Variants in LAMA3 observed in about 807,000 individuals in gnomAD.
LAMA3 encodes laminin subunit alpha 3.
In LAMA3, 281 loss-of-function variants were observed where a neutral mutation model predicts 402.0. The ratio of observed to expected loss-of-function variants is 0.70; its 90% CI spans 0.63 to 0.77. The LOEUF is 0.77. LAMA3 is among the 30% of genes least tolerant of loss of function. The probability of loss-of-function intolerance (pLI) is 0.00; values close to 1 mark genes in which losing one functional copy is unlikely to be tolerated. For missense variants in LAMA3, 3,840 were observed against 4,215.5 expected (o/e 0.91, Z 2.47); for synonymous variants, 1,431 against 1,558.4 (o/e 0.92, Z 1.93).
Position 23,915,353 on chromosome 18 carries a change from A to G in LAMA3, c.7709A>G (p.Asn2570Ser). 1 of 1,613,646 alleles carries G rather than the reference A, an allele frequency of 6.2e-7. No individual in the cohort carries two copies. Among genetic ancestry groups the G allele is most frequent in the African/African-American group, 1.3e-5 (1 of 75,050 alleles). The change falls in exon 59 of 75, where the codon AAT becomes AGT. Residue 2570 changes from asparagine to serine, a missense_variant. Asn to Ser is a conservative substitution (Grantham distance 46). Around this residue, in one of 3 missense-constraint regions of LAMA3, gnomAD observed 840 missense variants for 981.9 expected, o/e 0.86. Transcript: ENST00000313654. ...ATTGAATTAGATGACCTCAATGAAA[A>G]TGTTCTGAGCTTGTACAACTTCAAA... ...GCIELDDLNE[N>S]VLSLYNFKKT...
At position 23,905,910 on chromosome 18, in the gene LAMA3, G is replaced by A. The variant is rs8084314; in HGVS notation, c.6718+286G>A. Among the ~76,000 whole-genome samples, 5,896 of 152,010 alleles carry A rather than the reference G, an allele frequency of 0.039. 380 individuals are homozygous for A. Among genetic ancestry groups the A allele is most frequent in the African/African-American group, 0.14 (5,623 of 41,452 alleles). Reference sequence around the variant, plus strand: ...CTCCCAAGTAGCTGAGATTACAGGCGTGCACCACCATGCCCAGCTAATTTT... The same window carrying A: ...CTCCCAAGTAGCTGAGATTACAGGCATGCACCACCATGCCCAGCTAATTTT... On this transcript the variant is annotated intron_variant, in intron 52 of 74. Transcript: ENST00000313654.
chr18:23,733,388 G>A (rs563673269), intron 2 of LAMA3, among the ~76,000 whole-genome samples: 22 of 152,288 alleles, frequency 1.4e-4, no homozygotes, highest in African/African-American at 4.3e-4. Flanking sequence ...GGCAGAAGGC[G>A]AAAAGCATGT....
At chr18:23,701,627 G>T (rs1299394776) in intron 1 of LAMA3, among the ~76,000 whole-genome samples, 1 of 152,176 alleles carries the variant, frequency 6.6e-6, no homozygotes, top group East Asian at 1.9e-4. Flanking sequence ...ATAGTAGTGA[G>T]CAAAATTGAT....
chr18:23,839,480 T>C lies in LAMA3; in HGVS notation c.3192-305T>C, dbSNP rs888795076. On this transcript the variant is annotated intron_variant, in intron 26 of 74. Transcript: ENST00000313654. The surrounding 1 kb of genome is among the most constrained non-coding windows in gnomAD (Gnocchi z 4.5). ...TAGAGGTGAATAATGTTTTATTGTA[T>C]TGATCTCATTTTAACAATTAATTTT... Among the ~76,000 whole-genome samples the C allele has an allele frequency of 3.3e-5, 5 of 152,248 alleles. No individual in the cohort carries two copies. The highest frequency in any genetic ancestry group is 9.6e-5 in the African/African-American group (4 of 41,468).
intron 70 of LAMA3, among the ~76,000 whole-genome samples, chr18:23,948,574 CTT>C (rs1197740181): frequency 8.3e-5 from 12 of 145,008 alleles, no homozygotes; most frequent in Admixed American, 2.1e-4. Context: ...CTCTTTCTTT[CTT>C]TTTTTTTTTT....
At chr18:23,717,143 T>C (rs2145926095) in intron 2 of LAMA3, among the ~76,000 whole-genome samples, 1 of 152,360 alleles carries the variant, frequency 6.6e-6, no homozygotes, top group East Asian at 1.9e-4. Flanking sequence ...CTCTTCTGTG[T>C]TGGAGCATGA....
chr18:23,856,848 G>A (rs922257774), intron 32 of LAMA3, among the ~76,000 whole-genome samples: 3 of 151,982 alleles, frequency 2.0e-5, no homozygotes, highest in African/African-American at 7.3e-5. Flanking sequence ...AAATAGTTTG[G>A]GAGCCCATCC....
intron 32 of LAMA3, among the ~76,000 whole-genome samples, chr18:23,857,332 C>T (rs754680662): frequency 2.0e-5 from 3 of 152,246 alleles, no homozygotes; most frequent in Non-Finnish European, 2.9e-5. Context: ...ACATCTGCCC[C>T]AGCAGCACCA....
chr18:23,779,581 T>G (rs915818561), intron 11 of LAMA3, among the ~76,000 whole-genome samples: 2 of 151,772 alleles, frequency 1.3e-5, no homozygotes, highest in Non-Finnish European at 1.5e-5. Context: ...GAAAGCAGAA[T>G]ACATGGGCCA....
intron 11 of LAMA3, among the ~76,000 whole-genome samples, chr18:23,778,512 A>T (rs1442119967): frequency 6.6e-6 from 1 of 152,230 alleles, no homozygotes; most frequent in Non-Finnish European, 1.5e-5. Context: ...CTCATGTGAG[A>T]AGATTCCAGG....
intron 40 of LAMA3, among the ~76,000 whole-genome samples, chr18:23,884,047 G>GGTGTGTGTGTGT (rs60711151): frequency 2.2e-5 from 3 of 138,778 alleles, no homozygotes; most frequent in African/African-American, 7.9e-5. Context: ...TGGTCTCTTT[G>GGTGTGTGTGTGT]GTGTGTGTGT....
Position 23,810,453 on chromosome 18 carries a change from A to G in LAMA3, c.1691A>G (p.Gln564Arg), listed in dbSNP as rs1266703757. The change falls in exon 13 of 75, where the codon CAG becomes CGG. Residue 564 changes from glutamine to arginine, a missense_variant. This residue lies in a region of LAMA3 where 2,109 missense variants were observed against 2,376.0 expected (regional missense o/e 0.89). Transcript: ENST00000313654. Reference protein sequence around the residue: ...QCECRPGVTGQRCDRCLSGAY... With the variant: ...QCECRPGVTGRRCDRCLSGAY... ...GAATGTCGGCCAGGAGTTACAGGAC[A>G]GCGGTGTGACAGGTGTCTCTCAGGA... is the stretch of plus-strand genomic sequence containing the variant. 1.2e-5 allele frequency: 20 copies of G among 1,614,054 alleles called. No homozygotes were observed. Among genetic ancestry groups the G allele is most frequent in the Non-Finnish European group, 1.4e-5 (17 of 1,180,034 alleles).
chr18:23,758,055 C>G (rs550783291), intron 6 of LAMA3, among the ~76,000 whole-genome samples: 70 of 152,290 alleles, frequency 4.6e-4, no homozygotes, highest in African/African-American at 1.7e-3. Flanking sequence ...CTTGAGTGCT[C>G]CTGTGTTCCT....
intron 23 of LAMA3, among the ~76,000 whole-genome samples, chr18:23,832,008 T>C (rs1295027666): frequency 6.6e-6 from 1 of 152,216 alleles, no homozygotes; most frequent in African/African-American, 2.4e-5. Flanking sequence ...ATCTTTTATG[T>C]CTTTTATCTG....
intron 41 of LAMA3, among the ~76,000 whole-genome samples, chr18:23,888,756 A>G (rs2080529561): frequency 6.6e-6 from 1 of 152,144 alleles, no homozygotes; most frequent in Non-Finnish European, 1.5e-5. Context: ...CAGTGCTTAA[A>G]TTTGGGGAAA....
chr18:23,804,834 T>A (rs934865475), intron 12 of LAMA3, among the ~76,000 whole-genome samples: 1 of 152,150 alleles, frequency 6.6e-6, no homozygotes, highest in African/African-American at 2.4e-5. Flanking sequence ...TAAAAGTGTG[T>A]GATACCTCCC....
intron 2 of LAMA3, among the ~76,000 whole-genome samples, chr18:23,747,538 G>A (rs2061673181): frequency 6.6e-6 from 1 of 152,172 alleles, no homozygotes; most frequent in Non-Finnish European, 1.5e-5. Flanking sequence ...CCAGGGTTAG[G>A]ACACTGCTGG....
chr18:23,902,792 A>G (rs2081116784), intron 48 of LAMA3, among the ~76,000 whole-genome samples: 1 of 152,200 alleles, frequency 6.6e-6, no homozygotes, highest in Non-Finnish European at 1.5e-5. Flanking sequence ...AGTGATAGCA[A>G]TTGTTTCATT....
intron 32 of LAMA3, among the ~76,000 whole-genome samples, chr18:23,853,089 CA>C (rs2063982482): frequency 6.6e-6 from 1 of 152,162 alleles, no homozygotes; most frequent in Admixed American, 6.5e-5. Context: ...GAAACATGTC[CA>C]CATCAAGACT....
Sources: allele counts gnomAD v4.1 joint callset (sites outside exome capture counted in the v4.1 genomes callset), GRCh38; gene constraint gnomAD v4.1.1; regional missense constraint gnomAD v4.1.1; non-coding constraint Gnocchi (gnomAD v3.1); transcripts MANE v1.5; gene names NCBI Gene and HGNC (gene_info 2026-07-23, HGNC 2026-07-21).